The following LMO7 variants were observed in gnomAD, a reference collection of about 807,000 sequenced individuals.
LMO7 encodes LIM domain 7.
Under a neutral mutation model 206.5 loss-of-function variants are expected in LMO7, and 120 were observed. That is an observed-to-expected ratio of 0.58 (90% CI 0.50 to 0.68). LMO7 has a LOEUF of 0.68. Ranked by LOEUF, LMO7 falls within the 30% of genes least tolerant of loss-of-function variation. The pLI is 0.00. For synonymous variants in LMO7, 706 were observed against 681.5 expected, an observed-to-expected ratio of 1.04 and a Z score of -0.56; for missense variants, 1,959 against 1,957.9, an observed-to-expected ratio of 1.00 and a Z score of -0.01.
At chr13:75,851,475 G>C (rs2060501952) in intron 27 of LMO7, among the ~76,000 whole-genome samples, 2 of 152,342 alleles carry the variant, frequency 1.3e-5, no homozygotes, top group South Asian at 4.1e-4. Context: ...TGAGTCGTGA[G>C]ACAGGAAGGA....
At chr13:75,835,533 G>A (rs145867102) in intron 18 of LMO7, among the ~76,000 whole-genome samples, 194 bp downstream of exon 18, 1 of 152,270 alleles carries the variant, frequency 6.6e-6, no homozygotes, top group Non-Finnish European at 1.5e-5. Flanking sequence ...TCCTCATAGA[G>A]TAGTTGTGAG....
chr13:75,823,663 A>G lies in LMO7; in HGVS notation c.2739A>G (p.Gln913=). 1.2e-6 allele frequency: 2 copies of G among 1,614,202 alleles called. No individual in the cohort carries two copies. Among genetic ancestry groups the G allele is most frequent in the Non-Finnish European group, 1.7e-6 (2 of 1,180,026 alleles). Reference sequence around the variant, plus strand: ...CTGCACCAAGCCCGGACGCAAGCCAACTGGCTTCAAGCTTATCTAGCCAGA... The same window carrying G: ...CTGCACCAAGCCCGGACGCAAGCCAGCTGGCTTCAAGCTTATCTAGCCAGA... ...STPAPSPDAS[Q]LASSLSSQKE... is the part of the protein sequence containing the mutation. The change falls in exon 15 of 31, where the codon CAA becomes CAG. Residue 913 remains glutamine (Q), a synonymous_variant. Transcript: ENST00000377534.
chr13:75,723,840 T>C (rs959467375), intron 2 of LMO7, among the ~76,000 whole-genome samples: 6 of 152,056 alleles, frequency 3.9e-5, no homozygotes, highest in African/African-American at 1.4e-4. Flanking sequence ...TACCATAAAT[T>C]AGGTAGTTTA....
chr13:75,777,847 G>C (rs1011422399), intron 4 of LMO7, among the ~76,000 whole-genome samples: 2 of 151,734 alleles, frequency 1.3e-5, no homozygotes, highest in African/African-American at 4.8e-5. Context: ...GGGTTTCACC[G>C]TGTTAGCCAG....
intron 1 of LMO7, among the ~76,000 whole-genome samples, chr13:75,663,568 G>C (rs1594136741): frequency 6.6e-6 from 1 of 150,624 alleles, no homozygotes; most frequent in Non-Finnish European, 1.5e-5. Flanking sequence ...GTAGCTGGGA[G>C]TACAGGCTCC....
intron 2 of LMO7, among the ~76,000 whole-genome samples, chr13:75,623,930 T>C (rs2033680820): frequency 6.6e-6 from 1 of 152,204 alleles, no homozygotes; most frequent in African/African-American, 2.4e-5. Context: ...CCAGGTGTCT[T>C]TTGGGTATTC....
At chr13:75,837,076 A>G (rs1047919061) in intron 19 of LMO7, among the ~76,000 whole-genome samples, 3 of 152,214 alleles carry the variant, frequency 2.0e-5, no homozygotes, top group Admixed American at 2.0e-4. Flanking sequence ...CCCAAAGAAG[A>G]CGAGACCTCT....
intron 1 of LMO7, among the ~76,000 whole-genome samples, chr13:75,684,345 C>T (rs1383297988): frequency 2.0e-5 from 3 of 152,142 alleles, no homozygotes; most frequent in African/African-American, 4.8e-5. Flanking sequence ...CAGGTTCAAG[C>T]GATTCCCTGC....
At position 75,621,956 on chromosome 13, in the gene LMO7, A is replaced by G. The variant is rs2033353992; in HGVS notation, c.175+88A>G. The G allele has an allele frequency of 2.8e-5, 25 of 886,180 alleles. 1 individual carries two copies. The allele number at this position is 886,180 out of a possible 1,614,324, so 54.9% of individuals were successfully genotyped here. On this transcript the variant is annotated intron_variant, in intron 1 of 29. Coordinates refer to the LMO7 transcript ENST00000341547. ...CCATTTGGCTTTTCTTTAGGAACACATGTAGGTGGAAAAGAGGTCAGTAGG... is the reference window on the plus strand; with the variant it reads ...CCATTTGGCTTTTCTTTAGGAACACGTGTAGGTGGAAAAGAGGTCAGTAGG...
At chr13:75,795,047 C>T (rs1309906945) in intron 4 of LMO7, among the ~76,000 whole-genome samples, 1 of 151,704 alleles carries the variant, frequency 6.6e-6, no homozygotes, top group Non-Finnish European at 1.5e-5. Context: ...ACACTGATCC[C>T]CCCTCATTGG....
At chr13:75,629,044 T>C (rs535271923) in intron 2 of LMO7, among the ~76,000 whole-genome samples, 129 of 152,348 alleles carry the variant, frequency 8.5e-4, no homozygotes, top group African/African-American at 3.0e-3. Context: ...TTATTACTTC[T>C]ACTACAGGGA....
At chr13:75,851,207 C>T (rs970785626) in intron 27 of LMO7, among the ~76,000 whole-genome samples, 4 of 152,172 alleles carry the variant, frequency 2.6e-5, no homozygotes, top group African/African-American at 7.2e-5. Flanking sequence ...CACTGAAGTA[C>T]AGTCTTATCA....
intron 3 of LMO7, among the ~76,000 whole-genome samples, chr13:75,729,482 C>G (rs1442059029): frequency 6.6e-6 from 1 of 151,386 alleles, no homozygotes; most frequent in Non-Finnish European, 1.5e-5. Flanking sequence ...GATTTTGTAT[C>G]CTGAGACTTT....
In LMO7 at chr13:75,853,421, A is replaced by T. The variant is rs758320168; in HGVS notation, c.4661+33A>T. Reference sequence around the variant, plus strand: ...CCTTGCTGTTTCTCTTTCTTCTCTTAGTCTTGGGTATTTTTTCATTAAAAT... The same window carrying T: ...CCTTGCTGTTTCTCTTTCTTCTCTTTGTCTTGGGTATTTTTTCATTAAAAT... On this transcript the variant is annotated intron_variant, in intron 28 of 30. Transcript: ENST00000377534. The T allele has an allele frequency of 5.3e-6, 8 of 1,513,272 alleles. No individual in the cohort carries two copies. In the South Asian group the frequency reaches 1.0e-4, roughly 20 times the overall value. 93.7% of individuals were successfully genotyped at this position (1,513,272 alleles called of 1,614,324 possible).
At chr13:75,632,862 G>GTTTTTTTTTTTTTGTTTTTTTTT (rs2035138940), upstream of LMO7, among the ~76,000 whole-genome samples, 1 of 102,136 alleles carries the variant, frequency 9.8e-6, no homozygotes, top group African/African-American at 4.0e-5. Context: ...TTACTTAAAA[G>GTTTTTTTTTTTTTGTTTTTTTTT]TTTTTTTTTT....
chr13:75,763,839 A>T (rs2048506505), intron 4 of LMO7, among the ~76,000 whole-genome samples: 1 of 152,260 alleles, frequency 6.6e-6, no homozygotes, highest in East Asian at 1.9e-4. Flanking sequence ...AATGAGTGGC[A>T]ATAGCAGAAG....
intron 4 of LMO7, among the ~76,000 whole-genome samples, chr13:75,771,829 C>A (rs1035633444): frequency 6.6e-6 from 1 of 151,716 alleles, no homozygotes; most frequent in African/African-American, 2.4e-5. Context: ...TTCCAGAGAC[C>A]AAATTGTAAG....
At chr13:75,736,512 T>G (rs917047102) in intron 3 of LMO7, among the ~76,000 whole-genome samples, 2 of 152,226 alleles carry the variant, frequency 1.3e-5, no homozygotes, top group African/African-American at 4.8e-5. Context: ...GTTTTTTAAA[T>G]AAATAATTGA....
At chr13:75,665,012 C>T (rs780310913) in intron 1 of LMO7, among the ~76,000 whole-genome samples, 21 of 152,076 alleles carry the variant, frequency 1.4e-4, no homozygotes, top group Non-Finnish European at 2.6e-4. Flanking sequence ...AATGTGCTTT[C>T]TATTACCTAG....
Sources: allele counts gnomAD v4.1 joint callset (sites outside exome capture counted in the v4.1 genomes callset), GRCh38; gene constraint gnomAD v4.1.1; transcripts MANE v1.5; gene names NCBI Gene and HGNC (gene_info 2026-07-23, HGNC 2026-07-21).